PCSK5: variants seen among roughly 807,000 people sequenced by gnomAD.
PCSK5 encodes the protein prohormone convertase 5.
PCSK5 carries 129 observed loss-of-function variants against 233.2 expected under a neutral mutation model. The ratio of observed to expected loss-of-function variants is 0.55; its 90% confidence interval spans 0.48 to 0.64. PCSK5 has a LOEUF of 0.64. Ranked by LOEUF, PCSK5 falls within the 30% of genes least tolerant of loss-of-function variation. The pLI, the probability that PCSK5 is intolerant of heterozygous loss-of-function variation, is 0.00. For synonymous variants in PCSK5, 825 were observed against 879.2 expected, an observed-to-expected ratio of 0.94 and a Z score of 1.09; for missense variants, 2,076 against 2,430.1, an observed-to-expected ratio of 0.85 and a Z score of 3.06.
chr9:75,895,153 G>GC lies in PCSK5; in HGVS notation c.192+3787dup, dbSNP rs545618751. Among the ~76,000 whole-genome samples, 42 of 152,178 alleles carry GC rather than the reference G, an allele frequency of 2.8e-4. No homozygotes were observed. In the South Asian group the frequency reaches 8.3e-3, roughly 30 times the overall value. On this transcript the variant is annotated intron_variant, in intron 1 of 37. Coordinates refer to ENST00000674117, the MANE Select transcript of PCSK5 (RefSeq NM_001372043.1). ...ATACTGGAAAAATATTTTACCTAGA[G>GC]CCCCCCCATTGACAGCATGTGGACT...
intron 27 of PCSK5, among the ~76,000 whole-genome samples, chr9:76,301,223 G>A (rs1031961241): frequency 2.8e-5 from 4 of 145,126 alleles, no homozygotes; most frequent in African/African-American, 7.7e-5. Flanking sequence ...AGTGAGCCGA[G>A]ATCACACCAC....
intron 20 of PCSK5, among the ~76,000 whole-genome samples, chr9:76,209,747 T>C (rs1422607004): frequency 2.0e-5 from 3 of 151,772 alleles, no homozygotes; most frequent in Admixed American, 1.3e-4. Flanking sequence ...GAATCACCAG[T>C]TGATATACAT....
intron 7 of PCSK5, among the ~76,000 whole-genome samples, chr9:76,076,736 A>T (rs1021220838): frequency 2.0e-5 from 3 of 152,230 alleles, no homozygotes; most frequent in African/African-American, 7.2e-5. Flanking sequence ...TTAACAAATC[A>T]GAATTGATTC....
At chr9:76,253,369 A>T (rs536544078) in intron 24 of PCSK5, among the ~76,000 whole-genome samples, 1 of 152,238 alleles carries the variant, frequency 6.6e-6, no homozygotes, top group East Asian at 1.9e-4. Context: ...TTCTGTCTTT[A>T]AAAAAATTAT....
At chr9:75,930,581 A>G (rs1158110301) in intron 1 of PCSK5, among the ~76,000 whole-genome samples, 1 of 152,236 alleles carries the variant, frequency 6.6e-6, no homozygotes, top group African/African-American at 2.4e-5. Context: ...AAGGGAATCC[A>G]CTAAAGGATT....
intron 24 of PCSK5, among the ~76,000 whole-genome samples, chr9:76,278,046 C>A (rs985478097): frequency 2.6e-5 from 4 of 152,128 alleles, no homozygotes; most frequent in Admixed American, 2.6e-4. Flanking sequence ...GCTTATAATG[C>A]TGTCTTTCTC....
At chr9:75,908,905 A>ATCTATCTATCTATCTG (rs1822547202) in intron 1 of PCSK5, among the ~76,000 whole-genome samples, 1 of 130,514 alleles carries the variant, frequency 7.7e-6, no homozygotes, top group African/African-American at 3.0e-5. Context: ...CTATCTATCT[A>ATCTATCTATCTATCTG]TCTATCTATC....
intron 8 of PCSK5, among the ~76,000 whole-genome samples, chr9:76,102,585 C>A (rs1455056569): frequency 2.6e-5 from 4 of 152,166 alleles, no homozygotes; most frequent in African/African-American, 9.7e-5. Context: ...TGGGGTAATG[C>A]AGCTATTCCA....
chr9:76,093,061 C>T (rs906667677), intron 7 of PCSK5, among the ~76,000 whole-genome samples: 10 of 149,828 alleles, frequency 6.7e-5, no homozygotes, highest in Non-Finnish European at 1.2e-4. Flanking sequence ...TCTTTACACA[C>T]GCCCTTTTTT....
chr9:76,169,633 C>A, intron 12 of PCSK5, 71 bp from the exon 13 acceptor site: 3 of 1,467,590 alleles, frequency 2.0e-6, no homozygotes, highest in Non-Finnish European at 2.8e-6. Flanking sequence ...AAAACAGTGT[C>A]GATTGTGGTA....
At chr9:75,923,114 G>T (rs1040491005) in intron 1 of PCSK5, among the ~76,000 whole-genome samples, 1 of 152,126 alleles carries the variant, frequency 6.6e-6, no homozygotes, top group African/African-American at 2.4e-5. Flanking sequence ...TAAAATCAAG[G>T]TGTTGTGCCT....
At chr9:76,221,578 T>C (rs1825728153) in intron 20 of PCSK5, among the ~76,000 whole-genome samples, 1 of 152,236 alleles carries the variant, frequency 6.6e-6, no homozygotes, top group Admixed American at 6.5e-5. Flanking sequence ...CATCCATGAA[T>C]AGGAGCTTGT....
chr9:75,982,994 A>G (rs1396147328), intron 2 of PCSK5, among the ~76,000 whole-genome samples: 2 of 152,060 alleles, frequency 1.3e-5, no homozygotes, highest in Non-Finnish European at 2.9e-5. Flanking sequence ...TTGTTGTTCC[A>G]ACCAATGTGT....
At chr9:76,162,748 T>C (rs950005907) in intron 12 of PCSK5, among the ~76,000 whole-genome samples, 4 of 152,190 alleles carry the variant, frequency 2.6e-5, no homozygotes, top group African/African-American at 9.7e-5. Context: ...GCAGAGGTGG[T>C]TTGAGATGCA....
At chr9:75,895,709 A>G (rs1275561920) in intron 1 of PCSK5, among the ~76,000 whole-genome samples, 1 of 152,206 alleles carries the variant, frequency 6.6e-6, no homozygotes, top group African/African-American at 2.4e-5. Context: ...AAATTTTGTT[A>G]AATCATATTC....
intron 15 of PCSK5, among the ~76,000 whole-genome samples, chr9:76,180,104 T>TATATATACAC (rs373590869): frequency 7.4e-4 from 107 of 144,938 alleles, no homozygotes; most frequent in Middle Eastern, 3.6e-3. Flanking sequence ...TATATATATA[T>TATATATACAC]ACACACACAC....
At chr9:76,048,819 A>G (rs1829516833) in intron 5 of PCSK5, among the ~76,000 whole-genome samples, 2 of 152,208 alleles carry the variant, frequency 1.3e-5, no homozygotes, top group South Asian at 4.1e-4. Flanking sequence ...ATTCTTTCCA[A>G]TGGTTATTAT....
At chr9:76,052,976 C>T (rs1160827614) in intron 5 of PCSK5, among the ~76,000 whole-genome samples, 3 of 152,220 alleles carry the variant, frequency 2.0e-5, no homozygotes, top group Non-Finnish European at 4.4e-5. Flanking sequence ...AAAATGACCT[C>T]CTTTGACTCC....
chr9:76,243,810 C>T (rs769994193), intron 24 of PCSK5, among the ~76,000 whole-genome samples: 4 of 152,072 alleles, frequency 2.6e-5, no homozygotes, highest in South Asian at 2.1e-4. Context: ...TTGAGAATTG[C>T]CCAAATTCAA....
Sources: gnomAD v4.1 joint callset for allele counts (sites outside exome capture counted in the v4.1 genomes callset) on GRCh38, gnomAD v4.1.1 for gene constraint, MANE v1.5 for transcripts, NCBI Gene and HGNC (gene_info 2026-07-23, HGNC 2026-07-21) for gene names.